KCNH7: variants seen among roughly 807,000 people sequenced by gnomAD.
KCNH7 encodes potassium voltage-gated channel subfamily H member 7, also known as voltage-gated inwardly rectifying potassium channel KCNH7.
In KCNH7, 49 loss-of-function variants were observed where a neutral mutation model predicts 120.8. The ratio of observed to expected loss-of-function variants is 0.41; its 90% CI spans 0.32 to 0.51. The LOEUF (loss-of-function observed/expected upper bound fraction) is 0.51. KCNH7 is among the 20% of genes least tolerant of loss of function. The pLI is 0.38. For synonymous variants in KCNH7, 547 were observed against 516.1 expected, an observed-to-expected ratio of 1.06 and a Z score of -0.81; for missense variants, 1,097 against 1,446.6, an observed-to-expected ratio of 0.76 and a Z score of 3.92.
At chr2:162,427,250 G>C (rs1367272064) in intron 8 of KCNH7, among the ~76,000 whole-genome samples, 1 of 151,986 alleles carries the variant, frequency 6.6e-6, no homozygotes, top group African/African-American at 2.4e-5. Flanking sequence ...GAGTGGAATT[G>C]CTGAGTTGTG....
Position 162,615,144 on chromosome 2 carries a change from T to C in KCNH7, c.308-78064A>G, listed in dbSNP as rs1263336746. The stretch of plus-strand genomic sequence containing the variant: ...TATATCACTTGTGGTTTTCATTCAC[T>C]CGAACACCTTGCCCTGAGTACTACC... On this transcript the variant is annotated intron_variant, in intron 2 of 15. Transcript: ENST00000332142. Among the ~76,000 whole-genome samples, 3 of 152,176 alleles carry C rather than the reference T, an allele frequency of 2.0e-5. No individual in the cohort carries two copies. In the East Asian group the frequency reaches 5.8e-4, roughly 29 times the overall value.
chr2:162,524,436 T>C lies in KCNH7; in HGVS notation c.464-6278A>G, dbSNP rs530878032. ...GCTGGTATTTCCAGCAGCTGGGCTG[T>C]CTCAGCCCTAAGGAAGATGTCTGGG... On this transcript the variant is annotated intron_variant, in intron 3 of 15. Coordinates refer to ENST00000332142, the MANE Select transcript of KCNH7 (RefSeq NM_033272.4). Among the ~76,000 whole-genome samples the C allele has an allele frequency of 6.6e-5, 10 of 152,130 alleles. No individual in the cohort carries two copies. In the East Asian group the frequency reaches 2.0e-3, roughly 30 times the overall value.
intron 14 of KCNH7, among the ~76,000 whole-genome samples, chr2:162,379,189 C>G (rs1384503511): frequency 6.6e-6 from 1 of 152,158 alleles, no homozygotes; most frequent in East Asian, 1.9e-4. Flanking sequence ...ACTATTGGAT[C>G]AAGACAAATT....
intron 10 of KCNH7, among the ~76,000 whole-genome samples, chr2:162,399,506 T>G (rs1296754890): frequency 6.6e-6 from 1 of 151,906 alleles, no homozygotes; most frequent in Non-Finnish European, 1.5e-5. Context: ...TATCTCCTAA[T>G]GCTATCCCTC....
chr2:162,787,655 C>T (rs930094239), intron 2 of KCNH7, among the ~76,000 whole-genome samples: 1 of 152,200 alleles, frequency 6.6e-6, no homozygotes, highest in Non-Finnish European at 1.5e-5. Flanking sequence ...TGGATCAAGG[C>T]AGCAGGCCTG....
intron 2 of KCNH7, among the ~76,000 whole-genome samples, chr2:162,602,700 A>C (rs1694597465): frequency 1.3e-5 from 2 of 151,958 alleles, no homozygotes; most frequent in Admixed American, 6.6e-5. Flanking sequence ...TTTTTTCTGA[A>C]GTTTTTATAA....
At position 162,512,675 on chromosome 2, in the gene KCNH7, C is replaced by A; in HGVS notation, c.893-1G>T. The A allele has an allele frequency of 6.2e-7, 1 of 1,607,620 alleles. No homozygotes were observed. Among genetic ancestry groups the A allele is most frequent in the South Asian group, 1.1e-5 (1 of 90,526 alleles). On this transcript the variant is annotated splice_acceptor_variant, in intron 4 of 15. Coordinates refer to ENST00000332142, the MANE Select transcript of KCNH7 (RefSeq NM_033272.4). LOFTEE classifies it high-confidence loss of function. The stretch of plus-strand genomic sequence containing the variant: ...TTACCTTTGACATTGCGACCATTGT[C>A]TGTTTTGAGCACATAAGGATAAAAA...
At chr2:162,419,130 T>C (rs897603385) in intron 9 of KCNH7, among the ~76,000 whole-genome samples, 1 of 151,778 alleles carries the variant, frequency 6.6e-6, no homozygotes, top group African/African-American at 2.4e-5. Flanking sequence ...CCTTCACCCC[T>C]TCTCTTTTCT....
intron 12 of KCNH7, among the ~76,000 whole-genome samples, chr2:162,385,951 T>C (rs1686558976): frequency 6.6e-6 from 1 of 151,914 alleles, no homozygotes; most frequent in Admixed American, 6.6e-5. Context: ...ATTTAAAATA[T>C]GAGAAGCCAG....
chr2:162,496,780 G>A (rs1184211226), intron 6 of KCNH7, among the ~76,000 whole-genome samples: 1 of 152,148 alleles, frequency 6.6e-6, no homozygotes, highest in Non-Finnish European at 1.5e-5. Context: ...TTAAAACCAT[G>A]AAATTATTAT....
intron 2 of KCNH7, among the ~76,000 whole-genome samples, chr2:162,630,494 G>T (rs1158085216): frequency 6.6e-6 from 1 of 151,758 alleles, no homozygotes; most frequent in Non-Finnish European, 1.5e-5. Flanking sequence ...AAAAAAAGAC[G>T]CAAGAAAAGT....
intron 2 of KCNH7, among the ~76,000 whole-genome samples, chr2:162,644,805 A>T (rs1342469374): frequency 6.6e-6 from 1 of 152,098 alleles, no homozygotes; most frequent in Non-Finnish European, 1.5e-5. Context: ...TTCTCCAAAA[A>T]CCTTTAAACC....
chr2:162,397,615 T>C (rs754542934), intron 10 of KCNH7, among the ~76,000 whole-genome samples: 3 of 151,870 alleles, frequency 2.0e-5, no homozygotes, highest in Non-Finnish European at 4.4e-5. Flanking sequence ...CTAACAGGAC[T>C]TCCCCATCAC....
intron 9 of KCNH7, among the ~76,000 whole-genome samples, chr2:162,419,218 A>T (rs941462665): frequency 7.2e-6 from 1 of 139,412 alleles, no homozygotes; most frequent in African/African-American, 2.7e-5. Context: ...CTAGGCTCTT[A>T]TTCCAACTAC....
chr2:162,493,458 A>G (rs956487988), intron 6 of KCNH7, among the ~76,000 whole-genome samples: 1 of 152,222 alleles, frequency 6.6e-6, no homozygotes, highest in Non-Finnish European at 1.5e-5. Context: ...AATGTCTTCA[A>G]AATGTAAATA....
chr2:162,376,368 GTTTT>G (rs554245457), intron 14 of KCNH7, among the ~76,000 whole-genome samples: 1 of 135,666 alleles, frequency 7.4e-6, no homozygotes, highest in African/African-American at 2.7e-5. Context: ...AGTGTGGTTT[GTTTT>G]TTTTTTTTTT....
chr2:162,567,615 T>C (rs12992635), intron 2 of KCNH7, among the ~76,000 whole-genome samples: 1 of 152,066 alleles, frequency 6.6e-6, no homozygotes, highest in African/African-American at 2.4e-5. Flanking sequence ...TTGTATTGTT[T>C]ATCTTTCTTT....
intron 2 of KCNH7, among the ~76,000 whole-genome samples, chr2:162,688,956 G>A (rs1446867889): frequency 6.6e-6 from 1 of 151,656 alleles, no homozygotes; most frequent in African/African-American, 2.4e-5. Context: ...TTTCTTATCT[G>A]TTAAAGGCAC....
chr2:162,643,855 A>T (rs1684256127), intron 2 of KCNH7, among the ~76,000 whole-genome samples: 1 of 151,718 alleles, frequency 6.6e-6, no homozygotes. Context: ...AAAAATGATT[A>T]ATTGAGCAGA....
Sources: allele counts gnomAD v4.1 joint callset (sites outside exome capture counted in the v4.1 genomes callset), GRCh38; gene constraint gnomAD v4.1.1; transcripts MANE v1.5; gene names NCBI Gene and HGNC (gene_info 2026-07-23, HGNC 2026-07-21).